CELF2: variants seen among roughly 807,000 people sequenced by gnomAD.
The protein encoded by CELF2 is CUG triplet repeat RNA-binding protein 2.
A neutral mutation model predicts 62.6 loss-of-function variants in CELF2; 8 were observed. The ratio of observed to expected loss-of-function variants is 0.13; its 90% CI spans 0.07 to 0.23. CELF2 has a LOEUF of 0.23. Among genes scored for constraint, CELF2 ranks in the 10% least tolerant of loss-of-function variants. The pLI, the probability that CELF2 is intolerant of heterozygous loss-of-function variation, is 1.00. For synonymous variants in CELF2, 258 were observed against 250.0 expected (o/e 1.03, Z -0.30); for missense variants, 333 against 671.0 (o/e 0.50, Z 5.56).
At chr10:10,468,631 C>T in the CELF2 span, among the ~76,000 whole-genome samples, 2 of 151,920 alleles carry the variant, frequency 1.3e-5, no homozygotes, top group Non-Finnish European at 2.9e-5. Context: ...GTTATTGCTC[C>T]TGCTGTGAAT....
intron 1 of CELF2, among the ~76,000 whole-genome samples, chr10:10,873,253 T>A (rs2060868560): frequency 6.6e-6 from 1 of 152,132 alleles, no homozygotes; most frequent in Non-Finnish European, 1.5e-5. Flanking sequence ...TTTGCAGCAG[T>A]CAATGAGCAA....
chr10:10,881,752 T>G (rs1408687761), intron 1 of CELF2, among the ~76,000 whole-genome samples: 1 of 152,158 alleles, frequency 6.6e-6, no homozygotes, highest in Non-Finnish European at 1.5e-5. Context: ...AGAATCCCTT[T>G]TTTTCAGATG....
chr10:11,019,712 C>G (rs2057997935), intron 1 of CELF2, among the ~76,000 whole-genome samples: 2 of 152,104 alleles, frequency 1.3e-5, no homozygotes, highest in Non-Finnish European at 1.5e-5. Flanking sequence ...TTTCCGTATT[C>G]TGTTTTGGTA....
At chr10:10,738,819 A>T in the CELF2 span, among the ~76,000 whole-genome samples, 3 of 152,214 alleles carry the variant, frequency 2.0e-5, no homozygotes, top group African/African-American at 7.2e-5. Context: ...GGGATCATGG[A>T]AGGGAAAAAG....
intron 1 of CELF2, among the ~76,000 whole-genome samples, chr10:10,810,637 G>T (rs974089083): frequency 1.3e-5 from 2 of 152,162 alleles, no homozygotes; most frequent in African/African-American, 4.8e-5. Flanking sequence ...ATGCAGGGGA[G>T]TGGAAGGGAA....
intron 1 of CELF2, chr10:11,018,769 CG>C (rs2057791206): frequency 6.6e-6 from 1 of 152,270 alleles, no homozygotes; most frequent in African/African-American, 2.4e-5. Context: ...ATTTGAAATG[CG>C]GGGCTGACGG....
At chr10:10,714,151 C>A in the CELF2 span, among the ~76,000 whole-genome samples, 1 of 152,146 alleles carries the variant, frequency 6.6e-6, no homozygotes, top group African/African-American at 2.4e-5. Flanking sequence ...ATCGCTCCCC[C>A]AAAATATTAA....
chr10:10,901,888 G>T (rs1480759882), intron 1 of CELF2, among the ~76,000 whole-genome samples: 2 of 152,114 alleles, frequency 1.3e-5, no homozygotes, highest in African/African-American at 4.8e-5. Context: ...AATAAGAAAA[G>T]AAGCAACCCA....
intron 4 of CELF2, among the ~76,000 whole-genome samples, chr10:11,253,684 C>T (rs9423848): frequency 0.35 from 53,751 of 151,964 alleles, 10,408 homozygotes; most frequent in African/African-American, 0.51. Context: ...AGTTTCTATT[C>T]CCCTAACTTA....
chr10:10,817,466 A>AC (rs1590745307), intron 1 of CELF2, among the ~76,000 whole-genome samples: 4 of 151,698 alleles, frequency 2.6e-5, no homozygotes, highest in African/African-American at 9.7e-5. Flanking sequence ...GCTTCCCCCA[A>AC]CCCCCGCATT....
At chr10:11,245,935 T>A (rs1005896128) in intron 3 of CELF2, among the ~76,000 whole-genome samples, 2 of 152,154 alleles carry the variant, frequency 1.3e-5, no homozygotes, top group Non-Finnish European at 2.9e-5. Context: ...AGTGGAGATA[T>A]TAGAGTTGTG....
At chr10:10,782,245 C>A in the CELF2 span, among the ~76,000 whole-genome samples, 1 of 152,202 alleles carries the variant, frequency 6.6e-6, no homozygotes, top group Non-Finnish European at 1.5e-5. Context: ...CAGCAGTGAA[C>A]TGGCAACCCA....
intron 1 of CELF2, among the ~76,000 whole-genome samples, chr10:10,835,578 T>C (rs1203982431): frequency 6.6e-6 from 1 of 152,130 alleles, no homozygotes; most frequent in Non-Finnish European, 1.5e-5. Context: ...ATATGGGGTT[T>C]CACCATGTTG....
At chr10:11,284,150 A>G (rs1469361936) in intron 8 of CELF2, among the ~76,000 whole-genome samples, 1 of 119,320 alleles carries the variant, frequency 8.4e-6, no homozygotes, top group Non-Finnish European at 1.7e-5. Flanking sequence ...TGGTGGGTGG[A>G]TGAGGGATGA....
intron 2 of CELF2, chr10:10,960,418 C>T (rs181005848): frequency 1.9e-3 from 286 of 152,336 alleles, no homozygotes; most frequent in African/African-American, 6.4e-3. Flanking sequence ...ACTGTTAAAG[C>T]TAGTTGTTAG....
At chr10:10,867,610 T>A (rs1028322673) in intron 1 of CELF2, among the ~76,000 whole-genome samples, 2 of 152,194 alleles carry the variant, frequency 1.3e-5, no homozygotes, top group African/African-American at 2.4e-5. Context: ...TTACTTTCTT[T>A]CCCTGCACAG....
At chr10:11,194,775 G>A (rs574207590) in intron 2 of CELF2, among the ~76,000 whole-genome samples, 7 of 152,318 alleles carry the variant, frequency 4.6e-5, no homozygotes, top group Non-Finnish European at 7.4e-5. Flanking sequence ...CATTGCTTGC[G>A]AATGCTCACA....
At chr10:10,884,323 A>T (rs2061619981) in intron 1 of CELF2, among the ~76,000 whole-genome samples, 1 of 152,200 alleles carries the variant, frequency 6.6e-6, no homozygotes, top group African/African-American at 2.4e-5. Flanking sequence ...GAACCTGTGC[A>T]TACCAGCCAC....
At chr10:10,499,386 A>C in the CELF2 span, among the ~76,000 whole-genome samples, 1 of 151,684 alleles carries the variant, frequency 6.6e-6, no homozygotes, top group Non-Finnish European at 1.5e-5. Context: ...ACTATGTTTG[A>C]ATTATTTTTG....
Sources: gnomAD v4.1 joint callset for allele counts (sites outside exome capture counted in the v4.1 genomes callset) on GRCh38, gnomAD v4.1.1 for gene constraint, MANE v1.5 for transcripts, NCBI Gene and HGNC (gene_info 2026-07-23, HGNC 2026-07-21) for gene names.